GRK5: variants seen among roughly 807,000 people sequenced by gnomAD.
GRK5 encodes the protein G protein-coupled receptor kinase 5.
Under a neutral mutation model 78.4 loss-of-function variants are expected in GRK5, and 40 were observed. The ratio of observed to expected loss-of-function variants is 0.51; its 90% CI spans 0.40 to 0.66. The LOEUF (loss-of-function observed/expected upper bound fraction) is 0.66. Ranked by LOEUF, GRK5 falls within the 30% of genes least tolerant of loss-of-function variation. The probability of loss-of-function intolerance (pLI) is 0.00; values close to 1 mark genes in which losing one functional copy is unlikely to be tolerated. For synonymous variants in GRK5, 289 were observed against 296.8 expected (o/e 0.97, Z 0.27); for missense variants, 598 against 759.9 (o/e 0.79, Z 2.50).
intron 1 of GRK5, 143 bp from the exon 2 acceptor site, chr10:119,326,373 G>A (rs1850679365): frequency 1.5e-6 from 1 of 665,030 alleles, no homozygotes; most frequent in African/African-American, 1.8e-5. Flanking sequence ...GTTTGTGTGT[G>A]TCTTGGGCTG....
rs1849522036 is a variant in GRK5, at chr10:119,267,632, A to G, written c.53-58884A>G. 6.6e-6 allele frequency among the ~76,000 whole-genome samples: 1 copy of G among 152,192 alleles called. No individual in the cohort carries two copies. Among genetic ancestry groups the G allele is most frequent in the Admixed American group, 6.5e-5 (1 of 15,288 alleles). On this transcript the variant is annotated intron_variant, in intron 1 of 15. Transcript: ENST00000392870. This position sits in a 1 kb window ranked among gnomAD's most constrained non-coding sequence, Gnocchi z 4.1. ...AGGTAGATAGGCAATAAAAGCACCGAACCAGCCTTAGGTTCTATAGCAAGG... is the reference window on the plus strand; with the variant it reads ...AGGTAGATAGGCAATAAAAGCACCGGACCAGCCTTAGGTTCTATAGCAAGG...
chr10:119,432,233 G>A (rs960756911), intron 8 of GRK5, among the ~76,000 whole-genome samples: 1 of 151,800 alleles, frequency 6.6e-6, no homozygotes, highest in African/African-American at 2.4e-5. Flanking sequence ...GGGAGGCTGG[G>A]AAATGTGAAG....
chr10:119,256,670 C>T (rs771418342), intron 1 of GRK5, among the ~76,000 whole-genome samples: 8 of 150,958 alleles, frequency 5.3e-5, no homozygotes, highest in Non-Finnish European at 1.0e-4. Context: ...TCTCTGAGGT[C>T]GTGACTGTGT....
rs1450708577 is a variant in GRK5, at chr10:119,290,361, A to AC, written c.53-36155_53-36154insC. Among the ~76,000 whole-genome samples the AC allele has an allele frequency of 9.1e-5, 12 of 132,124 alleles. 1 individual carries two copies. The highest frequency in any genetic ancestry group is 1.1e-4 in the Non-Finnish European group (7 of 63,732). The allele number at this position is 132,124 out of a possible 152,430, so 86.7% of individuals were successfully genotyped here. A position where few individuals can be genotyped will look rare whatever the true frequency, so the allele number is the denominator to read the frequency against. On this transcript the variant is annotated intron_variant, in intron 1 of 15. Transcript: ENST00000392870. ...GATTCCGTCTCAAAAAAAAAAAAAA[A>AC]AACAAAAAACAACTCTGTCCCCTTC...
chr10:119,394,294 C>CCGTGTATCTATGTGTG (rs1564916955), intron 3 of GRK5, among the ~76,000 whole-genome samples: 33 of 4,024 alleles, frequency 8.2e-3, no homozygotes, highest in East Asian at 0.015. Context: ...GGGTGTGTAT[C>CCGTGTATCTATGTGTG]TGTGTGTCTG....
Position 119,267,808 on chromosome 10 carries a change from G to A in GRK5, c.53-58708G>A, listed in dbSNP as rs569042932. On this transcript the variant is annotated intron_variant, in intron 1 of 15. Transcript: ENST00000392870. The surrounding 1 kb of genome is among the most constrained non-coding windows in gnomAD (Gnocchi z 4.1). The stretch of plus-strand genomic sequence containing the variant: ...AAACAATGACATGGAACAGGGAGGC[G>A]CTCCCATGTCAGAAGATGGGTCCTC... Among the ~76,000 whole-genome samples the A allele has an allele frequency of 2.6e-5, 4 of 152,136 alleles. No individual in the cohort carries two copies. The highest frequency in any genetic ancestry group is 2.9e-5 in the Non-Finnish European group (2 of 68,000).
intron 2 of GRK5, chr10:119,333,464 AGG>A (rs1850819345): frequency 4.8e-6 from 1 of 206,396 alleles, no homozygotes; most frequent in Non-Finnish European, 9.9e-6. Flanking sequence ...TCCTTAGCTC[AGG>A]GGACTGGAGA....
intron 4 of GRK5, 122 bp from the exon 5 acceptor site, chr10:119,423,044 C>CGG: frequency 1.4e-6 from 1 of 713,610 alleles, no homozygotes. Context: ...GGGGCACAGA[C>CGG]GGGCTGCCAG....
chr10:119,362,131 C>T (rs1391828773), intron 2 of GRK5, among the ~76,000 whole-genome samples: 2 of 152,114 alleles, frequency 1.3e-5, no homozygotes, highest in Admixed American at 1.3e-4. Flanking sequence ...CTTAGGAAGC[C>T]GGTAGTAACC....
chr10:119,214,201 C>T (rs1420677361), intron 1 of GRK5, among the ~76,000 whole-genome samples: 1 of 152,182 alleles, frequency 6.6e-6, no homozygotes, highest in African/African-American at 2.4e-5. Context: ...TCTCAAACTC[C>T]TGGCCTCAGG....
At position 119,446,380 on chromosome 10, in the gene GRK5, G is replaced by T. The variant is rs78764077; in HGVS notation, c.1267-1743G>T. Among the ~76,000 whole-genome samples, 869 of 152,268 alleles carry T rather than the reference G, an allele frequency of 5.7e-3. 7 individuals are homozygous for T. The highest frequency in any genetic ancestry group is 0.02 in the African/African-American group (838 of 41,556). On this transcript the variant is annotated intron_variant, in intron 12 of 15. Transcript: ENST00000392870. Reference sequence around the variant, plus strand: ...TTTCATGTAATAACCTGGATTTTCTGGCTTCTCTTGAAAAGCAGAAGCCCC... The same window carrying T: ...TTTCATGTAATAACCTGGATTTTCTTGCTTCTCTTGAAAAGCAGAAGCCCC...
At chr10:119,296,270 A>G (rs989885865) in intron 1 of GRK5, among the ~76,000 whole-genome samples, 1 of 152,240 alleles carries the variant, frequency 6.6e-6, no homozygotes, top group Non-Finnish European at 1.5e-5. Context: ...CTTTTGGAAA[A>G]GAACCTTTCC....
chr10:119,327,123 T>A (rs568551933), intron 2 of GRK5, among the ~76,000 whole-genome samples: 1 of 151,016 alleles, frequency 6.6e-6, no homozygotes, highest in African/African-American at 2.4e-5. Flanking sequence ...GTGGGGGAGG[T>A]AGGGCTCCCC....
chr10:119,450,818 C>A (rs911914537), intron 13 of GRK5, among the ~76,000 whole-genome samples: 1 of 152,102 alleles, frequency 6.6e-6, no homozygotes, highest in Non-Finnish European at 1.5e-5. Flanking sequence ...ACCCTGTGGC[C>A]CAGGGCCTCT....
intron 1 of GRK5, among the ~76,000 whole-genome samples, chr10:119,212,603 A>T (rs552259772): frequency 5.6e-4 from 86 of 152,336 alleles, no homozygotes; most frequent in African/African-American, 2.0e-3. Context: ...ACTGTGGGCA[A>T]TATTCAAAGT....
chr10:119,212,021 T>C (rs1398542298), intron 1 of GRK5, among the ~76,000 whole-genome samples: 1 of 152,226 alleles, frequency 6.6e-6, no homozygotes, highest in Non-Finnish European at 1.5e-5. Context: ...GCATACGTAC[T>C]CCACCCTGAA....
At chr10:119,447,285 C>T (rs1853171465) in intron 12 of GRK5, among the ~76,000 whole-genome samples, 1 of 152,206 alleles carries the variant, frequency 6.6e-6, no homozygotes, top group African/African-American at 2.4e-5. Context: ...CTCAACCATC[C>T]CTGGCTCCTT....
intron 2 of GRK5, among the ~76,000 whole-genome samples, chr10:119,364,872 C>G (rs937374963): frequency 6.6e-6 from 1 of 152,190 alleles, no homozygotes; most frequent in Non-Finnish European, 1.5e-5. Context: ...TTTAAAACAG[C>G]TGTTATGGGT....
At chr10:119,270,285 A>G (rs1849564679) in intron 1 of GRK5, among the ~76,000 whole-genome samples, 3 of 152,350 alleles carry the variant, frequency 2.0e-5, no homozygotes, top group South Asian at 2.1e-4. Context: ...CAACTTTCAC[A>G]TCTGTGGATA....
Sources: gnomAD v4.1 joint callset for allele counts (sites outside exome capture counted in the v4.1 genomes callset) on GRCh38, gnomAD v4.1.1 for gene constraint, Gnocchi (gnomAD v3.1) non-coding constraint, MANE v1.5 for transcripts, NCBI Gene and HGNC (gene_info 2026-07-23, HGNC 2026-07-21) for gene names.